SLC30A10: variants seen among roughly 807,000 people sequenced by gnomAD.
SLC30A10 encodes the protein calcium/manganese antiporter SLC30A10.
SLC30A10 carries 8 observed loss-of-function variants against 21.7 expected under a neutral mutation model. The observed-to-expected ratio is 0.37, with a 90% confidence interval of 0.22 to 0.67. The LOEUF (loss-of-function observed/expected upper bound fraction) is 0.67, where lower values mean the gene tolerates loss of function less well. SLC30A10 is among the 30% of genes least tolerant of loss of function. The pLI, the probability that SLC30A10 is intolerant of heterozygous loss-of-function variation, is 0.58. For synonymous variants in SLC30A10, 272 were observed against 279.4 expected, an observed-to-expected ratio of 0.97 and a Z score of 0.26; for missense variants, 521 against 642.5, an observed-to-expected ratio of 0.81 and a Z score of 2.04.
intron 1 of SLC30A10, among the ~76,000 whole-genome samples, chr1:219,944,862 G>A (rs1660167153): frequency 6.6e-6 from 1 of 152,122 alleles, no homozygotes; most frequent in Non-Finnish European, 1.5e-5. Context: ...TAAAATAGCA[G>A]TCTCAAGCCC....
intron 1 of SLC30A10, among the ~76,000 whole-genome samples, chr1:219,946,658 T>A (rs1335525590): frequency 6.6e-6 from 1 of 152,094 alleles, no homozygotes; most frequent in South Asian, 2.1e-4. Flanking sequence ...CTGGGCTTCC[T>A]CCTTCCAACT....
In SLC30A10 at chr1:219,910,937, T is replaced by C. The variant is rs1323999036; in HGVS notation, c.*4512A>G. Among the ~76,000 whole-genome samples, 1 of 152,196 alleles carries C rather than the reference T, an allele frequency of 6.6e-6. No individual in the cohort carries two copies. Among genetic ancestry groups the C allele is most frequent in the Non-Finnish European group, 1.5e-5 (1 of 68,022 alleles). ...AACATGCAGATTACATTGAGGATTATCTTTCAATGCAATTTCCACTTGAGA... is the reference window on the plus strand; with the variant it reads ...AACATGCAGATTACATTGAGGATTACCTTTCAATGCAATTTCCACTTGAGA... On this transcript the variant is annotated 3_prime_UTR_variant, in exon 4 of 4. Transcript: ENST00000366926.
At position 219,911,515 on chromosome 1, in the gene SLC30A10, G is replaced by A. The variant is rs892634966; in HGVS notation, c.*3934C>T. On this transcript the variant is annotated 3_prime_UTR_variant, in exon 4 of 4. Coordinates refer to ENST00000366926, the MANE Select transcript of SLC30A10 (RefSeq NM_018713.3). ...ATTGAGGATATTCAGGAGTTAAAGA[G>A]ATCAGCACAGAAGAGTGAGACCAAA... is the stretch of plus-strand genomic sequence containing the variant. Among the ~76,000 whole-genome samples the A allele has an allele frequency of 2.6e-5, 4 of 152,110 alleles. No homozygotes were observed. The highest frequency in any genetic ancestry group is 9.7e-5 in the African/African-American group (4 of 41,420).
intron 1 of SLC30A10, among the ~76,000 whole-genome samples, chr1:219,953,424 G>A (rs200743676): frequency 3.3e-5 from 5 of 151,672 alleles, no homozygotes; most frequent in Middle Eastern, 3.4e-3. Flanking sequence ...GTGAAACTCC[G>A]TCTCTACTAA....
intron 1 of SLC30A10, among the ~76,000 whole-genome samples, chr1:219,951,594 G>C (rs1270240352): frequency 6.6e-6 from 1 of 151,824 alleles, no homozygotes; most frequent in East Asian, 2.0e-4. Flanking sequence ...GGTGGCGGGT[G>C]CCTGTAGTCC....
chr1:219,924,406 C>T (rs1226858578), intron 2 of SLC30A10, among the ~76,000 whole-genome samples: 1 of 152,100 alleles, frequency 6.6e-6, no homozygotes, highest in Non-Finnish European at 1.5e-5. Flanking sequence ...TCAAACTCTC[C>T]ACACCCTGCT....
chr1:219,919,776 CAAAA>C (rs34386881), intron 2 of SLC30A10, among the ~76,000 whole-genome samples: 2 of 114,548 alleles, frequency 1.7e-5, no homozygotes, highest in Non-Finnish European at 1.8e-5. Context: ...AACTCTGTCT[CAAAA>C]AAAAAAAAAA....
At chr1:219,957,539 C>T (rs903858296) in intron 1 of SLC30A10, among the ~76,000 whole-genome samples, 16 of 152,074 alleles carry the variant, frequency 1.1e-4, no homozygotes, top group African/African-American at 2.9e-4. Context: ...ATTGTGATTT[C>T]GAAAATAATT....
In SLC30A10 at chr1:219,918,524, G is replaced by A; in HGVS notation, c.719-30C>T. On this transcript the variant is annotated intron_variant, in intron 2 of 3. Coordinates refer to ENST00000366926, the MANE Select transcript of SLC30A10 (RefSeq NM_018713.3). The surrounding 1 kb of genome is among the most constrained non-coding windows in gnomAD (Gnocchi z 4.4). The stretch of plus-strand genomic sequence containing the variant: ...CAGGAAGAAAGACTACTGCAGCACA[G>A]ATGCAAATCTGGAAGCCACGTGACA... The A allele has an allele frequency of 6.5e-7, 1 of 1,540,836 alleles. No homozygotes were observed. Among genetic ancestry groups the A allele is most frequent in the Non-Finnish European group, 8.7e-7 (1 of 1,143,360 alleles).
intron 2 of SLC30A10, among the ~76,000 whole-genome samples, chr1:219,925,057 G>A (rs191669249): frequency 6.6e-6 from 1 of 152,152 alleles, no homozygotes; most frequent in South Asian, 2.1e-4. Flanking sequence ...GGCCCAGCCA[G>A]GTATAGCAAG....
rs1437534057 is a variant in SLC30A10 at position 219,927,898 on chromosome 1, G to A, written c.543C>T (p.Asp181=). ...QGAEDPRRAA[D]PTAPGSDSAV... The stretch of plus-strand genomic sequence containing the variant: ...CCGAGTCCGAGCCTGGGGCTGTCGG[G>A]TCCGCCGCGCGCCGCGGGTCCTCCG... Residue 181 remains aspartate, a synonymous_variant, in exon 1 of 4, where the codon GAC becomes GAT. Coordinates refer to ENST00000366926, the MANE Select transcript of SLC30A10 (RefSeq NM_018713.3). The A allele has an allele frequency of 6.5e-7, 1 of 1,539,328 alleles. No homozygotes were observed.
rs1473493117 is a variant in SLC30A10, at chr1:219,922,181, T to G, written c.719-3687A>C. Among the ~76,000 whole-genome samples the G allele has an allele frequency of 6.9e-3, 43 of 6,196 alleles. 1 individual carries two copies. Among genetic ancestry groups the G allele is most frequent in the South Asian group, 0.032 (7 of 218 alleles). 4.1% of individuals were successfully genotyped at this position (6,196 alleles called of 152,430 possible). ...GTTTGTGTGTGTGTGTGTGTGTTTTTTTTTTTTTTTTTTTTTTTTTTTTTT... is the reference window on the plus strand; with the variant it reads ...GTTTGTGTGTGTGTGTGTGTGTTTTGTTTTTTTTTTTTTTTTTTTTTTTTT... On this transcript the variant is annotated intron_variant, in intron 2 of 3. Coordinates refer to ENST00000366926, the MANE Select transcript of SLC30A10 (RefSeq NM_018713.3).
At chr1:219,920,211 G>A (rs565535852) in intron 2 of SLC30A10, among the ~76,000 whole-genome samples, 1 of 151,992 alleles carries the variant, frequency 6.6e-6, no homozygotes, top group South Asian at 2.1e-4. Flanking sequence ...CTAATGCTGT[G>A]CTCCTTTCTC....
At chr1:219,928,717 T>G (rs949885794), upstream of SLC30A10, 2 of 382,200 alleles carry the variant, frequency 5.2e-6, no homozygotes. This position sits in a 1 kb window ranked among gnomAD's most constrained non-coding sequence, Gnocchi z 6.3. Context: ...GGGCCTGACT[T>G]GGCAGGTGGC....
chr1:219,927,635 T>A, intron 1 of SLC30A10, among the ~76,000 whole-genome samples, 166 bp downstream of exon 1: 1 of 65,440 alleles, frequency 1.5e-5, no homozygotes, highest in African/African-American at 7.1e-5. Flanking sequence ...GGAATGGATT[T>A]ATTAAAAAAA....
chr1:219,925,651 A>ATATATATATATATT (rs1317554458), intron 2 of SLC30A10, among the ~76,000 whole-genome samples: 15 of 48,288 alleles, frequency 3.1e-4, no homozygotes, highest in South Asian at 2.0e-3. Flanking sequence ...ATATATATAT[A>ATATATATATATATT]TTTTTTTTTT....
At chr1:219,923,650 A>C (rs1659748851) in intron 2 of SLC30A10, among the ~76,000 whole-genome samples, 1 of 152,258 alleles carries the variant, frequency 6.6e-6, no homozygotes, top group Non-Finnish European at 1.5e-5. Flanking sequence ...CATTTTTAAT[A>C]CATCATGTTT....
chr1:219,943,139 T>C (rs955586428), intron 1 of SLC30A10, among the ~76,000 whole-genome samples: 4 of 151,858 alleles, frequency 2.6e-5, no homozygotes, highest in African/African-American at 7.3e-5. Context: ...GAATCAGACA[T>C]GCAAAAATTG....
intron 1 of SLC30A10, among the ~76,000 whole-genome samples, chr1:219,952,028 A>G (rs1398654596): frequency 1.3e-5 from 2 of 152,212 alleles, no homozygotes; most frequent in Non-Finnish European, 2.9e-5. Context: ...TGCTGTAACC[A>G]TATATATGAT....
Sources: allele counts gnomAD v4.1 joint callset (sites outside exome capture counted in the v4.1 genomes callset), GRCh38; gene constraint gnomAD v4.1.1; non-coding constraint Gnocchi (gnomAD v3.1); transcripts MANE v1.5; gene names NCBI Gene and HGNC (gene_info 2026-07-23, HGNC 2026-07-21).